OSBPL10: variants seen among roughly 807,000 people sequenced by gnomAD.
OSBPL10 encodes oxysterol binding protein like 10.
In OSBPL10, 49 loss-of-function variants were observed where a neutral mutation model predicts 81.7. The ratio of observed to expected loss-of-function variants is 0.60; its 90% CI spans 0.48 to 0.76. The LOEUF is 0.76. Among genes scored for constraint, OSBPL10 ranks in the 30% least tolerant of loss-of-function variants. OSBPL10 has a pLI of 0.00. For synonymous variants in OSBPL10, 419 were observed against 383.6 expected, an observed-to-expected ratio of 1.09 and a Z score of -1.08; for missense variants, 923 against 987.8, an observed-to-expected ratio of 0.93 and a Z score of 0.88.
intron 1 of OSBPL10, among the ~76,000 whole-genome samples, chr3:31,935,565 C>T (rs1316370693): frequency 6.6e-6 from 1 of 151,232 alleles, no homozygotes; most frequent in Non-Finnish European, 1.5e-5. Flanking sequence ...CTCTTTTCGC[C>T]CAGGCTGGAG....
rs767907133 is a variant in OSBPL10, at chr3:31,664,200, C to T, written c.2129G>A (p.Arg710Gln). The T allele has an allele frequency of 3.1e-6, 5 of 1,613,000 alleles. No homozygotes were observed. Among genetic ancestry groups the T allele is most frequent in the East Asian group, 2.2e-5 (1 of 44,860 alleles). Reference sequence around the variant, plus strand: ...GGTGGCTGCGTCAATGTCCCCCAGCCGCAGGTATCGGGTCACCTCCCGCCA... The same window carrying T: ...GGTGGCTGCGTCAATGTCCCCCAGCTGCAGGTATCGGGTCACCTCCCGCCA... ...NLWREVTRYLRLGDIDAATEQ... is the reference protein window; with the variant it reads ...NLWREVTRYLQLGDIDAATEQ... Residue 710 changes from arginine (R) to glutamine (Q), a missense_variant, in exon 11 of 12, where the codon CGG becomes CAG. Around this residue, in one of 3 missense-constraint regions of OSBPL10, gnomAD observed 387 missense variants for 436.3 expected, o/e 0.89. Transcript: ENST00000396556.
intron 1 of OSBPL10, among the ~76,000 whole-genome samples, chr3:31,916,162 T>A (rs1365501737): frequency 6.6e-6 from 1 of 151,186 alleles, no homozygotes; most frequent in Non-Finnish European, 1.5e-5. Context: ...GTACAATAAG[T>A]ATGCATGTAT....
intron 4 of OSBPL10, among the ~76,000 whole-genome samples, chr3:31,814,407 A>G (rs896903157): frequency 3.3e-5 from 5 of 152,180 alleles, no homozygotes; most frequent in African/African-American, 4.8e-5. Context: ...CCTTCCTTGG[A>G]AATAGGACCT....
intron 3 of OSBPL10, among the ~76,000 whole-genome samples, chr3:31,863,484 T>C (rs1276608305): frequency 6.6e-6 from 1 of 152,256 alleles, no homozygotes; most frequent in Non-Finnish European, 1.5e-5. Flanking sequence ...TTGTTAGCTA[T>C]GCCACCTTGG....
At chr3:32,011,928 A>C (rs1223993144) in intron 2 of OSBPL10, among the ~76,000 whole-genome samples, 2 of 152,228 alleles carry the variant, frequency 1.3e-5, no homozygotes, top group Non-Finnish European at 2.9e-5. Context: ...AGCCTCCAAG[A>C]AATATGGGAC....
intron 1 of OSBPL10, among the ~76,000 whole-genome samples, chr3:31,956,081 A>G (rs1697999613): frequency 6.6e-6 from 1 of 152,220 alleles, no homozygotes; most frequent in South Asian, 2.1e-4. Flanking sequence ...TCTCCCAGAA[A>G]CACTGCAAAA....
intron 1 of OSBPL10, among the ~76,000 whole-genome samples, chr3:31,911,088 CT>C (rs1373085223): frequency 1.2e-4 from 19 of 152,270 alleles, no homozygotes; most frequent in Admixed American, 7.9e-4. Context: ...TAAGTCCATC[CT>C]GCTTCAGACC....
intron 2 of OSBPL10, among the ~76,000 whole-genome samples, chr3:32,005,623 CTG>C (rs555190961): frequency 1.2e-3 from 186 of 152,288 alleles, no homozygotes; most frequent in Middle Eastern, 3.4e-3. Flanking sequence ...GAGTTTCACT[CTG>C]TTGCCAGGCT....
intron 8 of OSBPL10, among the ~76,000 whole-genome samples, chr3:31,683,202 G>C (rs1700698859): frequency 1.3e-5 from 2 of 152,168 alleles, no homozygotes; most frequent in Non-Finnish European, 2.9e-5. Context: ...TTTGTTTTGG[G>C]AATTTTTACG....
In OSBPL10 at chr3:32,058,145, T is replaced by C. The variant is rs572583662; in HGVS notation, n.186-11542A>G. Among the ~76,000 whole-genome samples the C allele has an allele frequency of 2.0e-5, 3 of 152,326 alleles. No individual in the cohort carries two copies. The South Asian group carries it at 6.2e-4, about 32-fold the overall frequency. ...AGAATTATAAAGAAACCTTGAACTT[T>C]AGTTAATGATATGAATGCAGACATG... On this transcript the variant is annotated intron_variant and non_coding_transcript_variant, in intron 1 of 3. Coordinates refer to the OSBPL10 transcript ENST00000479173.
intron 3 of OSBPL10, among the ~76,000 whole-genome samples, chr3:31,835,656 C>T (rs1313570096): frequency 6.6e-6 from 1 of 152,034 alleles, no homozygotes; most frequent in Non-Finnish European, 1.5e-5. Context: ...AAAAAAATAG[C>T]CCAAGGCAAA....
At chr3:31,756,881 C>T (rs1697904374) in intron 4 of OSBPL10, among the ~76,000 whole-genome samples, 1 of 152,174 alleles carries the variant, frequency 6.6e-6, no homozygotes, top group Non-Finnish European at 1.5e-5. Flanking sequence ...GCATGACAGG[C>T]AATGAGCAGG....
intron 1 of OSBPL10, among the ~76,000 whole-genome samples, chr3:31,945,149 C>CAAAA (rs71628589): frequency 1.2e-5 from 1 of 81,626 alleles, no homozygotes; most frequent in Non-Finnish European, 2.5e-5. Context: ...GACTCCGTCT[C>CAAAA]AAAAAAAAAA....
At chr3:31,823,844 A>ATGTGTGTATG (rs1553630474) in intron 4 of OSBPL10, among the ~76,000 whole-genome samples, 1 of 148,306 alleles carries the variant, frequency 6.7e-6, no homozygotes, top group African/African-American at 2.5e-5. Context: ...GTATGTGTGT[A>ATGTGTGTATG]TGTGTGTGTG....
intron 4 of OSBPL10, among the ~76,000 whole-genome samples, chr3:31,819,617 T>C (rs1406220186): frequency 6.6e-6 from 1 of 152,192 alleles, no homozygotes; most frequent in African/African-American, 2.4e-5. Context: ...AGCCATGGCC[T>C]TGGCAGCCAC....
At chr3:31,707,291 A>G (rs1457003942) in intron 6 of OSBPL10, 1 of 152,236 alleles carries the variant, frequency 6.6e-6, no homozygotes, top group African/African-American at 2.4e-5. Flanking sequence ...TCTTATGCCC[A>G]AGTAAATAAG....
chr3:31,749,018 C>G (rs1697628153), intron 4 of OSBPL10, among the ~76,000 whole-genome samples: 1 of 152,206 alleles, frequency 6.6e-6, no homozygotes, highest in Admixed American at 6.5e-5. Flanking sequence ...TGGAGGAGCT[C>G]AAGCAACCCG....
Position 31,981,083 on chromosome 3 carries a change from A to G in OSBPL10, c.97T>C (p.Cys33Arg). The G allele has an allele frequency of 2.7e-6, 4 of 1,491,872 alleles. No individual in the cohort carries two copies. Among genetic ancestry groups the G allele is most frequent in the Non-Finnish European group, 3.6e-6 (4 of 1,125,434 alleles). The allele number at this position is 1,491,872 out of a possible 1,614,324, so 92.4% of individuals were successfully genotyped here. The change falls in exon 1 of 12, where the codon TGC (cysteine) becomes CGC (arginine). Residue 33 changes from cysteine (C) to arginine (R), a missense_variant. By Grantham distance (180) the Cys-to-Arg change is radical. Around this residue, in one of 3 missense-constraint regions of OSBPL10, gnomAD observed 514 missense variants for 508.0 expected, o/e 1.01. Transcript: ENST00000396556. The surrounding 1 kb of genome is among the most constrained non-coding windows in gnomAD (Gnocchi z 4.5). ...GAGACCCCCCGGCCCGCCAGAGAGC[A>G]GGAGGGCGAGGAGCCCGCCGAGGTA... is the stretch of plus-strand genomic sequence containing the variant. ...RATSAGSSPSCSLAGRGVSSR... is the reference protein window; with the variant it reads ...RATSAGSSPSRSLAGRGVSSR...
chr3:31,863,100 G>A (rs1178444684), intron 3 of OSBPL10, among the ~76,000 whole-genome samples: 2 of 152,178 alleles, frequency 1.3e-5, no homozygotes, highest in African/African-American at 4.8e-5. Context: ...ATGAAGTACT[G>A]ATTTATGCTA....
Sources: allele counts gnomAD v4.1 joint callset (sites outside exome capture counted in the v4.1 genomes callset), GRCh38; gene constraint gnomAD v4.1.1; regional missense constraint gnomAD v4.1.1; non-coding constraint Gnocchi (gnomAD v3.1); transcripts MANE v1.5; gene names NCBI Gene and HGNC (gene_info 2026-07-23, HGNC 2026-07-21).